The following CUBN variants were observed in gnomAD, a reference collection of about 807,000 sequenced individuals.
The protein encoded by CUBN is 460 kDa receptor.
Under a neutral mutation model 405.3 loss-of-function variants are expected in CUBN, and 282 were observed. That is an observed-to-expected ratio of 0.70 (90% CI 0.63 to 0.77). CUBN has a LOEUF of 0.77. CUBN is among the 30% of genes least tolerant of loss of function. CUBN has a pLI of 0.00. For missense variants in CUBN, 4,514 were observed against 4,475.2 expected (o/e 1.01, Z -0.25); for synonymous variants, 1,684 against 1,617.0 (o/e 1.04, Z -0.99).
At chr10:16,898,117 C>T (rs970220169) in intron 54 of CUBN, among the ~76,000 whole-genome samples, 2 of 149,630 alleles carry the variant, frequency 1.3e-5, no homozygotes, top group Admixed American at 1.3e-4. Flanking sequence ...TTCATTTAAA[C>T]AGTAAGCATG....
intron 28 of CUBN, among the ~76,000 whole-genome samples, chr10:17,002,253 G>A (rs1486561360): frequency 6.6e-6 from 1 of 152,052 alleles, no homozygotes; most frequent in Non-Finnish European, 1.5e-5. Flanking sequence ...AAAAAAAAGT[G>A]TGGTTTTGGT....
chr10:16,842,520 C>T (rs1839384476), intron 60 of CUBN, among the ~76,000 whole-genome samples: 1 of 152,170 alleles, frequency 6.6e-6, no homozygotes, highest in South Asian at 2.1e-4. Context: ...TCCTCTCTCT[C>T]TCTCTTCACT....
chr10:17,101,997 C>T (rs10795445), intron 13 of CUBN, among the ~76,000 whole-genome samples: 125,107 of 152,144 alleles, frequency 0.82, 51,769 homozygotes, highest in East Asian at 0.89. Context: ...CATTTTTGCA[C>T]AATAATCAAC....
chr10:16,831,858 G>A (rs1380488050), intron 64 of CUBN, among the ~76,000 whole-genome samples: 4 of 152,176 alleles, frequency 2.6e-5, no homozygotes, highest in Admixed American at 1.3e-4. Context: ...GTATGTGTGT[G>A]TGTGCACGTG....
At chr10:17,078,918 C>T (rs1344854136) in intron 17 of CUBN, among the ~76,000 whole-genome samples, 2 of 152,282 alleles carry the variant, frequency 1.3e-5, no homozygotes, top group East Asian at 1.9e-4. Flanking sequence ...CTCTACATCA[C>T]GCATGTTCAA....
intron 38 of CUBN, 145 bp from the exon 39 acceptor site, chr10:16,937,929 A>T: frequency 1.4e-6 from 1 of 704,566 alleles, no homozygotes; most frequent in South Asian, 1.8e-5. Flanking sequence ...TTAGCTTAAA[A>T]CACATACTGC....
At position 16,988,391 on chromosome 10, in the gene CUBN, G is replaced by C. The variant is rs184212064; in HGVS notation, c.4350+1943C>G. Among the ~76,000 whole-genome samples the C allele has an allele frequency of 6.8e-4, 104 of 152,240 alleles. No individual in the cohort carries two copies. The East Asian group carries it at 0.012, about 18-fold the overall frequency. On this transcript the variant is annotated intron_variant, in intron 29 of 66. Transcript: ENST00000377833. ...GAGTGTGAATTTCAGGAGGCACCTT[G>C]TTTCTCCTCTGAGATGGAGTCATGA...
chr10:16,877,038 T>C lies in CUBN; in HGVS notation c.8965A>G (p.Ser2989Gly), dbSNP rs1466992790. 6.2e-7 allele frequency: 1 copy of C among 1,614,154 alleles called. No individual in the cohort carries two copies. The highest frequency in any genetic ancestry group is 2.2e-5 in the East Asian group (1 of 44,880). ...NDGVHIIRGY[S>G]VMSTPFATVC... Reference sequence around the variant, plus strand: ...GTAGCAAATGGGGTGGACATGACGCTGTAACCTCTGATAATGTGCACGCCA... The same window carrying C: ...GTAGCAAATGGGGTGGACATGACGCCGTAACCTCTGATAATGTGCACGCCA... The change falls in exon 57 of 67, where the codon AGC (serine) becomes GGC (glycine). Residue 2989 changes from serine (S) to glycine (G), a missense_variant. By Grantham distance (56) the Ser-to-Gly change is moderately conservative (BLOSUM62 0). Around this residue, in one of 5 missense-constraint regions of CUBN, gnomAD observed 1,186 missense variants for 1,186.9 expected, o/e 1.00. Transcript: ENST00000377833.
chr10:16,911,965 A>G (rs1841747450), intron 48 of CUBN, among the ~76,000 whole-genome samples: 1 of 152,176 alleles, frequency 6.6e-6, no homozygotes, highest in Non-Finnish European at 1.5e-5. Flanking sequence ...ATGAATCAAA[A>G]TGTGGTATAG....
intron 6 of CUBN, 128 bp downstream of exon 6, chr10:17,122,667 A>G (rs79996982): frequency 2.2e-4 from 156 of 697,978 alleles, no homozygotes; most frequent in Non-Finnish European, 3.4e-4. Flanking sequence ...GCAAGAGCTA[A>G]ATATTTCCTC....
chr10:17,116,394 GAAGCCT>G (rs1836900087), intron 6 of CUBN, among the ~76,000 whole-genome samples: 2 of 152,226 alleles, frequency 1.3e-5, no homozygotes, highest in Non-Finnish European at 1.5e-5. Flanking sequence ...AGGAGTCCCA[GAAGCCT>G]AAGCCTATCC....
At chr10:17,077,752 C>A (rs1352465527) in intron 17 of CUBN, among the ~76,000 whole-genome samples, 1 of 152,022 alleles carries the variant, frequency 6.6e-6, no homozygotes, top group South Asian at 2.1e-4. Flanking sequence ...AGGAATGAGG[C>A]CCTGCCCCCA....
intron 47 of CUBN, among the ~76,000 whole-genome samples, chr10:16,914,804 G>A (rs1841835614): frequency 6.6e-6 from 1 of 152,158 alleles, no homozygotes; most frequent in Non-Finnish European, 1.5e-5. Flanking sequence ...GGGCATTACA[G>A]TATAACTCTC....
At position 17,085,910 on chromosome 10, in the gene CUBN, G is replaced by C. The variant is rs1238124542; in HGVS notation, c.1948-151C>G. On this transcript the variant is annotated intron_variant, in intron 15 of 66. Transcript: ENST00000377833. ...CATCCAAATGTAACTCATGGCTGAGGTTCAGCAAAGTGTGTCTCCTTCTCC... is the reference window on the plus strand; with the variant it reads ...CATCCAAATGTAACTCATGGCTGAGCTTCAGCAAAGTGTGTCTCCTTCTCC... 20 of 695,126 alleles carry C rather than the reference G, an allele frequency of 2.9e-5. No individual in the cohort carries two copies. The East Asian group carries it at 5.5e-4, about 19-fold the overall frequency. 43.1% of individuals were successfully genotyped at this position (695,126 alleles called of 1,614,324 possible). A position where few individuals can be genotyped will look rare whatever the true frequency, so the allele number is the denominator to read the frequency against.
intron 43 of CUBN, among the ~76,000 whole-genome samples, chr10:16,921,726 C>T (rs773124343): frequency 6.6e-6 from 1 of 152,210 alleles, no homozygotes; most frequent in Non-Finnish European, 1.5e-5. Flanking sequence ...CAGGAATCCT[C>T]CTGTAGGCCT....
intron 44 of CUBN, 72 bp downstream of exon 44, chr10:16,919,891 A>G: frequency 1.4e-6 from 2 of 1,467,232 alleles, no homozygotes; most frequent in Non-Finnish European, 1.9e-6. Flanking sequence ...AAAGAAATGG[A>G]CTGTTTTGAG....
intron 31 of CUBN, among the ~76,000 whole-genome samples, chr10:16,980,846 T>C (rs1040709759): frequency 1.3e-5 from 2 of 149,716 alleles, no homozygotes; most frequent in African/African-American, 4.9e-5. Flanking sequence ...ATAATAATAA[T>C]AACAATAATA....
intron 28 of CUBN, among the ~76,000 whole-genome samples, chr10:17,000,154 C>T (rs1429681839): frequency 6.6e-6 from 1 of 152,218 alleles, no homozygotes; most frequent in Non-Finnish European, 1.5e-5. Flanking sequence ...TCCCATGGTC[C>T]ACTCTAGCCC....
intron 54 of CUBN, among the ~76,000 whole-genome samples, chr10:16,895,735 G>C (rs1841162235): frequency 6.6e-6 from 1 of 151,998 alleles, no homozygotes; most frequent in African/African-American, 2.4e-5. Flanking sequence ...GTTAACCTTT[G>C]CATGACATCC....
Sources: allele counts gnomAD v4.1 joint callset (sites outside exome capture counted in the v4.1 genomes callset), GRCh38; gene constraint gnomAD v4.1.1; regional missense constraint gnomAD v4.1.1; transcripts MANE v1.5; gene names NCBI Gene and HGNC (gene_info 2026-07-23, HGNC 2026-07-21).